DOCK3: variants seen among roughly 807,000 people sequenced by gnomAD.
DOCK3 encodes the protein dedicator of cytokinesis protein 3.
Under a neutral mutation model 265.6 loss-of-function variants are expected in DOCK3, and 60 were observed. That is an observed-to-expected ratio of 0.23 (90% CI 0.18 to 0.28). DOCK3 has a LOEUF of 0.28. Among genes scored for constraint, DOCK3 ranks in the 10% least tolerant of loss-of-function variants. The probability of loss-of-function intolerance (pLI) is 1.00; values close to 1 mark genes in which losing one functional copy is unlikely to be tolerated. For synonymous variants in DOCK3, 881 were observed against 938.0 expected (o/e 0.94, Z 1.11); for missense variants, 1,981 against 2,594.3 (o/e 0.76, Z 5.14).
intron 27 of DOCK3, among the ~76,000 whole-genome samples, chr3:51,289,218 A>G (rs1355288794): frequency 6.6e-6 from 1 of 152,152 alleles, no homozygotes; most frequent in Admixed American, 6.6e-5. Flanking sequence ...GCATGTTCTC[A>G]CTTATAAGTG....
chr3:50,771,848 C>T (rs2041297494), intron 1 of DOCK3, among the ~76,000 whole-genome samples: 2 of 152,068 alleles, frequency 1.3e-5, no homozygotes, highest in South Asian at 4.1e-4. Context: ...GAGACTCCAT[C>T]TCAAAAACAA....
chr3:51,198,943 C>T (rs762830223), intron 12 of DOCK3, among the ~76,000 whole-genome samples: 6 of 152,104 alleles, frequency 3.9e-5, no homozygotes, highest in Admixed American at 3.3e-4. Flanking sequence ...GCATGAGAAT[C>T]GCTTGAAACC....
intron 7 of DOCK3, among the ~76,000 whole-genome samples, chr3:51,085,804 A>C (rs1238675819): frequency 1.3e-5 from 2 of 152,224 alleles, no homozygotes; most frequent in Non-Finnish European, 2.9e-5. Context: ...TAGTAGAAAT[A>C]AGTAATAAAG....
At chr3:50,917,872 T>G (rs1434492882) in intron 4 of DOCK3, among the ~76,000 whole-genome samples, 2 of 152,090 alleles carry the variant, frequency 1.3e-5, no homozygotes, top group Non-Finnish European at 2.9e-5. Flanking sequence ...AACTCATCAT[T>G]TACATTAGGT....
At chr3:51,129,614 G>A (rs1346320019) in intron 9 of DOCK3, among the ~76,000 whole-genome samples, 1 of 152,152 alleles carries the variant, frequency 6.6e-6, no homozygotes, top group Non-Finnish European at 1.5e-5. Context: ...GTCGCATGGT[G>A]ACTTAACCCA....
At chr3:51,033,735 T>C (rs1411039712) in intron 5 of DOCK3, among the ~76,000 whole-genome samples, 1 of 152,186 alleles carries the variant, frequency 6.6e-6, no homozygotes, top group Non-Finnish European at 1.5e-5. Flanking sequence ...AATTAGGACA[T>C]GAACAAGATT....
chr3:50,906,913 A>G (rs947358982), intron 4 of DOCK3, among the ~76,000 whole-genome samples: 1 of 152,090 alleles, frequency 6.6e-6, no homozygotes, highest in African/African-American at 2.4e-5. Flanking sequence ...ATTTCCCTCT[A>G]CACACTGCTT....
chr3:50,680,099 G>A (rs1576060996), intron 1 of DOCK3, among the ~76,000 whole-genome samples: 1 of 152,242 alleles, frequency 6.6e-6, no homozygotes, highest in African/African-American at 2.4e-5. Flanking sequence ...GGAATTGTCA[G>A]TAGTATATGA....
At chr3:50,761,126 AT>A (rs1205983702) in intron 1 of DOCK3, among the ~76,000 whole-genome samples, 24 of 151,860 alleles carry the variant, frequency 1.6e-4, no homozygotes, top group Non-Finnish European at 2.6e-4. Flanking sequence ...TGTCTTCTTT[AT>A]TTTTTTATTT....
intron 12 of DOCK3, among the ~76,000 whole-genome samples, chr3:51,180,886 AG>A (rs1360558753): frequency 6.6e-6 from 1 of 152,212 alleles, no homozygotes; most frequent in African/African-American, 2.4e-5. Flanking sequence ...AAAGGAGGGA[AG>A]AGGCAGAACT....
chr3:51,382,187 C>T lies in DOCK3; in HGVS notation c.*628C>T, dbSNP rs1553619101. 2 of 152,488 alleles carry T rather than the reference C, an allele frequency of 1.3e-5. No homozygotes were observed. Among genetic ancestry groups the T allele is most frequent in the Non-Finnish European group, 2.9e-5 (2 of 68,080 alleles). 9.4% of individuals were successfully genotyped at this position (152,488 alleles called of 1,614,324 possible). ...GCATGTGACTGGCCTAACTGCATGC[C>T]CAGGGCACTGCCAGGGTTCAATGGG... On this transcript the variant is annotated 3_prime_UTR_variant, in exon 53 of 53. Coordinates refer to ENST00000266037, the MANE Select transcript of DOCK3 (RefSeq NM_004947.5).
rs2084712836 is a variant in DOCK3 at position 51,134,666 on chromosome 3, T to A, written c.747-11883T>A. ...ATAGATTTCTTTCATGCAGCACCTC[T>A]AGGAGCCTATGCCACACAGACACTC... On this transcript the variant is annotated intron_variant, in intron 9 of 52. Coordinates refer to ENST00000266037, the MANE Select transcript of DOCK3 (RefSeq NM_004947.5). 6.6e-5 allele frequency among the ~76,000 whole-genome samples: 10 copies of A among 152,312 alleles called. 1 individual carries two copies. The South Asian group carries it at 2.1e-3, about 32-fold the overall frequency.
chr3:51,231,917 T>C (rs1402014539), intron 19 of DOCK3, among the ~76,000 whole-genome samples: 3 of 152,232 alleles, frequency 2.0e-5, no homozygotes, highest in African/African-American at 7.2e-5. Flanking sequence ...TGAATCCATC[T>C]TGAGTTCATT....
chr3:50,705,565 A>G (rs2036352814), intron 1 of DOCK3, among the ~76,000 whole-genome samples: 1 of 152,030 alleles, frequency 6.6e-6, no homozygotes, highest in Non-Finnish European at 1.5e-5. Context: ...ACAGGCACGC[A>G]CCACCAGGCC....
intron 7 of DOCK3, among the ~76,000 whole-genome samples, 157 bp downstream of exon 7, chr3:51,075,597 C>A (rs563568705): frequency 6.6e-6 from 1 of 152,210 alleles, no homozygotes; most frequent in Non-Finnish European, 1.5e-5. Context: ...GTCACACTAG[C>A]TTTCCAAATA....
At chr3:51,020,985 A>G (rs1327963307) in intron 5 of DOCK3, among the ~76,000 whole-genome samples, 2 of 151,848 alleles carry the variant, frequency 1.3e-5, no homozygotes, top group African/African-American at 4.9e-5. Context: ...TTTTAAAATA[A>G]TTTCTTCTAA....
At chr3:50,853,079 AT>A (rs1447437410) in intron 3 of DOCK3, among the ~76,000 whole-genome samples, 4 of 152,308 alleles carry the variant, frequency 2.6e-5, no homozygotes, top group Admixed American at 6.5e-5. Flanking sequence ...GAAATATACA[AT>A]AAATTATGAA....
At chr3:51,234,512 T>C (rs1028948629) in intron 19 of DOCK3, among the ~76,000 whole-genome samples, 4 of 152,196 alleles carry the variant, frequency 2.6e-5, no homozygotes, top group Non-Finnish European at 5.9e-5. Flanking sequence ...GAATCATACT[T>C]TGGGATTTTT....
chr3:50,841,744 T>C lies in DOCK3; in HGVS notation c.162+29T>C. 7.7e-6 allele frequency: 4 copies of C among 520,346 alleles called. 2 individuals are homozygous for C. The highest frequency in any genetic ancestry group is 5.9e-5 in the Admixed American group (2 of 33,742). The allele number at this position is 520,346 out of a possible 1,614,324, so 32.2% of individuals were successfully genotyped here. On this transcript the variant is annotated intron_variant, in intron 3 of 52. Transcript: ENST00000266037. ...ATGAAAAGTTTATTGTTACCTTTTC[T>C]AATGTAGGAAGGAACTACCTTGTAT...
Sources: allele counts gnomAD v4.1 joint callset (sites outside exome capture counted in the v4.1 genomes callset), GRCh38; gene constraint gnomAD v4.1.1; transcripts MANE v1.5; gene names NCBI Gene and HGNC (gene_info 2026-07-23, HGNC 2026-07-21).